ZNRF2: variants seen among roughly 807,000 people sequenced by gnomAD.
ZNRF2 encodes E3 ubiquitin-protein ligase ZNRF2.
A neutral mutation model predicts 20.4 loss-of-function variants in ZNRF2; 16 were observed. That is an observed-to-expected ratio of 0.79 (90% CI 0.53 to 1.19). ZNRF2 has a LOEUF of 1.19. ZNRF2 is among the 50% of genes most tolerant of loss of function. The pLI is 0.00. For missense variants in ZNRF2, 363 were observed against 332.4 expected (o/e 1.09, Z -0.72); for synonymous variants, 178 against 144.9 (o/e 1.23, Z -1.64).
intron 1 of ZNRF2, among the ~76,000 whole-genome samples, chr7:30,305,322 T>G (rs1186764355): frequency 6.6e-6 from 1 of 152,212 alleles, no homozygotes; most frequent in Non-Finnish European, 1.5e-5. Context: ...TTCTGAAGCT[T>G]CGAGCATTCT....
At chr7:30,321,708 G>C (rs28496803) in intron 1 of ZNRF2, among the ~76,000 whole-genome samples, 2,776 of 152,152 alleles carry the variant, frequency 0.018, 89 homozygotes, top group African/African-American at 0.062. Flanking sequence ...TCTTGCCCTC[G>C]TTTATGCTAA....
intron 2 of ZNRF2, among the ~76,000 whole-genome samples, chr7:30,343,911 C>CTTTTT (rs34643391): frequency 3.3e-4 from 27 of 81,508 alleles, no homozygotes; most frequent in South Asian, 7.8e-4. Flanking sequence ...GGGTGGCCAG[C>CTTTTT]TTTTTTTTTT....
intron 2 of ZNRF2, among the ~76,000 whole-genome samples, chr7:30,354,882 A>G (rs978713521): frequency 2.6e-5 from 4 of 152,220 alleles, no homozygotes; most frequent in Non-Finnish European, 5.9e-5. Context: ...TCTGGCTTAC[A>G]TACTCTATTT....
chr7:30,326,183 T>C (rs1799549177), intron 2 of ZNRF2, among the ~76,000 whole-genome samples: 1 of 152,168 alleles, frequency 6.6e-6, no homozygotes, highest in African/African-American at 2.4e-5. Context: ...AGGTTTGTTA[T>C]ATAGGTAAAC....
At position 30,284,856 on chromosome 7, in the gene ZNRF2, G is replaced by A. The variant is rs1311310231; in HGVS notation, c.-502G>A. ...GTTAATAACAGCTGGGTGGCTGGGG[G>A]AGGAGGGAAGGTGGCCCCGGCGGAG... is the stretch of plus-strand genomic sequence containing the variant. On this transcript the variant is annotated 5_prime_UTR_variant, in exon 1 of 5. Transcript: ENST00000323037. 8.9e-6 allele frequency: 2 copies of A among 224,210 alleles called. No individual in the cohort carries two copies. The highest frequency in any genetic ancestry group is 3.6e-5 in the South Asian group (1 of 27,916). The allele number at this position is 224,210 out of a possible 1,614,324, so 13.9% of individuals were successfully genotyped here. A position where few individuals can be genotyped will look rare whatever the true frequency, so the allele number is the denominator to read the frequency against.
chr7:30,365,349 T>C (rs545738809), intron 4 of ZNRF2, among the ~76,000 whole-genome samples: 2 of 152,194 alleles, frequency 1.3e-5, no homozygotes, highest in South Asian at 2.1e-4. Context: ...ATGAGTGTTA[T>C]ATTTGCTTAT....
At chr7:30,364,237 A>G (rs551327170) in intron 4 of ZNRF2, among the ~76,000 whole-genome samples, 173 of 152,350 alleles carry the variant, frequency 1.1e-3, no homozygotes, top group Middle Eastern at 3.4e-3. Flanking sequence ...TGAAATGAGA[A>G]CTGCAGTTGA....
rs568318333 is a variant in ZNRF2 at position 30,306,740 on chromosome 7, C to T, written c.470-16902C>T. Among the ~76,000 whole-genome samples the T allele has an allele frequency of 5.9e-5, 9 of 152,194 alleles. No individual in the cohort carries two copies. The South Asian group carries it at 6.2e-4, about 11-fold the overall frequency. ...GTTGCACATTGACTTGCCTGTCGAC[C>T]GTACTTAAAATTACAGACTTTCTTT... On this transcript the variant is annotated intron_variant, in intron 1 of 4. Coordinates refer to ENST00000323037, the MANE Select transcript of ZNRF2 (RefSeq NM_147128.4).
At chr7:30,329,355 C>T (rs934798471) in intron 2 of ZNRF2, among the ~76,000 whole-genome samples, 1 of 152,048 alleles carries the variant, frequency 6.6e-6, no homozygotes, top group African/African-American at 2.4e-5. Context: ...CTATAGTTGT[C>T]CTGTTGTGCT....
At chr7:30,309,711 G>A (rs1799261545) in intron 1 of ZNRF2, among the ~76,000 whole-genome samples, 1 of 152,176 alleles carries the variant, frequency 6.6e-6, no homozygotes, top group African/African-American at 2.4e-5. Context: ...CTGTTATTAA[G>A]CAGTACAGAA....
intron 2 of ZNRF2, among the ~76,000 whole-genome samples, chr7:30,324,531 A>G (rs1267342589): frequency 6.6e-6 from 1 of 151,246 alleles, no homozygotes; most frequent in African/African-American, 2.4e-5. Flanking sequence ...CCTTGGAGAC[A>G]GAGTGAGACT....
chr7:30,362,266 C>A, intron 3 of ZNRF2, 111 bp from the exon 4 acceptor site: 1 of 611,276 alleles, frequency 1.6e-6, no homozygotes, highest in Non-Finnish European at 2.7e-6. Flanking sequence ...ATTTAAAATG[C>A]TCATTTTTTT....
intron 1 of ZNRF2, among the ~76,000 whole-genome samples, chr7:30,322,774 A>G (rs796416792): frequency 1.9e-4 from 29 of 152,234 alleles, no homozygotes; most frequent in African/African-American, 7.0e-4. Flanking sequence ...CAAACAGCTT[A>G]GTGGTGTCAG....
intron 1 of ZNRF2, among the ~76,000 whole-genome samples, chr7:30,297,487 C>A (rs1428774796): frequency 6.6e-6 from 1 of 152,068 alleles, no homozygotes; most frequent in African/African-American, 2.4e-5. Flanking sequence ...TATTTTATTT[C>A]TGCCCTCATT....
intron 1 of ZNRF2, among the ~76,000 whole-genome samples, chr7:30,298,513 TG>T (rs1395186771): frequency 1.3e-5 from 2 of 152,222 alleles, no homozygotes; most frequent in Non-Finnish European, 2.9e-5. Context: ...TTTCCAGAAA[TG>T]GCTTTTCTTG....
In ZNRF2 at chr7:30,285,461, CG is replaced by C; in HGVS notation, c.107del (p.Gly36AlafsTer107). On this transcript the variant is annotated frameshift_variant, in exon 1 of 5. Transcript: ENST00000323037. LOFTEE classifies it high-confidence loss of function. ...AGCAGCGGAGGCGCCAATGGGACCG[CG>C]GGCGGCGGCGGGGGCGCTCGGGCCG... The part of the protein sequence containing the change: ...SSSSGGANGT[A>X]GGGGGARAAA... The C allele has an allele frequency of 8.9e-7, 1 of 1,129,046 alleles. No homozygotes were observed. The highest frequency in any genetic ancestry group is 2.3e-5 in the South Asian group (1 of 43,236). 69.9% of individuals were successfully genotyped at this position (1,129,046 alleles called of 1,614,324 possible). A position where few individuals can be genotyped will look rare whatever the true frequency, so the allele number is the denominator to read the frequency against.
At chr7:30,362,920 A>G (rs1800151102) in intron 4 of ZNRF2, among the ~76,000 whole-genome samples, 1 of 152,152 alleles carries the variant, frequency 6.6e-6, no homozygotes, top group South Asian at 2.1e-4. Context: ...GATTGAGACC[A>G]TCCCTGGCTA....
chr7:30,305,964 T>C (rs962025472), intron 1 of ZNRF2, among the ~76,000 whole-genome samples: 2 of 152,198 alleles, frequency 1.3e-5, no homozygotes, highest in Non-Finnish European at 2.9e-5. Flanking sequence ...GTTTGTATAG[T>C]GTAGTGGTTT....
intron 1 of ZNRF2, among the ~76,000 whole-genome samples, chr7:30,318,520 C>G (rs1033282171): frequency 2.0e-5 from 3 of 152,136 alleles, no homozygotes; most frequent in Non-Finnish European, 4.4e-5. Context: ...AGTAATTTTT[C>G]TACCAACAAA....
Sources: gnomAD v4.1 joint callset for allele counts (sites outside exome capture counted in the v4.1 genomes callset) on GRCh38, gnomAD v4.1.1 for gene constraint, MANE v1.5 for transcripts, NCBI Gene and HGNC (gene_info 2026-07-23, HGNC 2026-07-21) for gene names.